Variants in CPS1 observed in about 807,000 individuals in gnomAD.
CPS1 encodes the protein carbamoyl-phosphate synthase [ammonia], mitochondrial.
In CPS1, 109 loss-of-function variants were observed where a neutral mutation model predicts 174.6. That is an observed-to-expected ratio of 0.62 (90% confidence interval 0.53 to 0.73). CPS1 has a LOEUF of 0.73. Ranked by LOEUF, CPS1 falls within the 30% of genes least tolerant of loss-of-function variation. The probability of loss-of-function intolerance (pLI) is 0.00; values close to 1 mark genes in which losing one functional copy is unlikely to be tolerated. For missense variants in CPS1, 1,689 were observed against 1,821.9 expected, an observed-to-expected ratio of 0.93 and a Z score of 1.33; for synonymous variants, 637 against 632.0, an observed-to-expected ratio of 1.01 and a Z score of -0.12.
chr2:210,612,266 C>A lies in CPS1; in HGVS notation c.2541C>A (p.Ser847Arg), dbSNP rs770328140. The A allele has an allele frequency of 6.2e-7, 1 of 1,611,986 alleles. No homozygotes were observed. Among genetic ancestry groups the A allele is most frequent in the South Asian group, 1.1e-5 (1 of 91,052 alleles). Reference sequence around the variant, plus strand: ...TTAGAAAAGAGTTGTCTGAACCAAGCAGCACGCGTATCTATGCCATTGCCA... The same window carrying A: ...TTAGAAAAGAGTTGTCTGAACCAAGAAGCACGCGTATCTATGCCATTGCCA... Reference protein sequence around the residue: ...LDLRKELSEPSSTRIYAIAKA... With the variant: ...LDLRKELSEPRSTRIYAIAKA... Residue 847 changes from serine to arginine, a missense_variant, in exon 20 of 38, where the codon AGC becomes AGA. Transcript: ENST00000233072.
At chr2:210,514,142 C>A (rs1695607836) in intron 1 of CPS1, among the ~76,000 whole-genome samples, 1 of 151,850 alleles carries the variant, frequency 6.6e-6, no homozygotes, top group Non-Finnish European at 1.5e-5. Flanking sequence ...GTTCTTTTTG[C>A]TTAGTATTCC....
At position 210,658,702 on chromosome 2, in the gene CPS1, A is replaced by G. The variant is rs771430083; in HGVS notation, c.3756+14A>G. On this transcript the variant is annotated intron_variant, in intron 31 of 37. Transcript: ENST00000233072. Reference sequence around the variant, plus strand: ...AATGATGTCTTGGTAAGAAATGCCAAGGTGCCTGAGAGGACACCACCACTG... The same window carrying G: ...AATGATGTCTTGGTAAGAAATGCCAGGGTGCCTGAGAGGACACCACCACTG... 1.2e-5 allele frequency: 19 copies of G among 1,591,058 alleles called. No homozygotes were observed. In the East Asian group the frequency reaches 3.8e-4, roughly 32 times the overall value.
At chr2:210,642,815 TA>T (rs1700271894) in intron 25 of CPS1, 150 bp downstream of exon 25, 2 of 741,720 alleles carry the variant, frequency 2.7e-6, no homozygotes, top group Admixed American at 2.8e-5. Context: ...TATTTTGTAG[TA>T]AAACTCTAAA....
At chr2:210,491,961 A>T (rs1694886699) in intron 1 of CPS1, among the ~76,000 whole-genome samples, 1 of 152,150 alleles carries the variant, frequency 6.6e-6, no homozygotes, top group Non-Finnish European at 1.5e-5. Flanking sequence ...GAGAGTGCTT[A>T]TGAGCCACTG....
At chr2:210,486,115 TACACACACACACACACACACACAC>T (rs60740361) in intron 1 of CPS1, among the ~76,000 whole-genome samples, 9 of 135,660 alleles carry the variant, frequency 6.6e-5, no homozygotes, top group Admixed American at 1.5e-4. Context: ...CACACACACA[TACACACACACACACACACACACAC>T]ACACACACAC....
At chr2:210,602,690 T>C (rs1698769115) in intron 16 of CPS1, among the ~76,000 whole-genome samples, 2 of 151,964 alleles carry the variant, frequency 1.3e-5, no homozygotes, top group African/African-American at 4.8e-5. Context: ...TTTTAGTGGT[T>C]AAGGAAAAAT....
intron 21 of CPS1, among the ~76,000 whole-genome samples, chr2:210,620,692 C>T (rs1343797039): frequency 6.6e-6 from 1 of 151,970 alleles, no homozygotes; most frequent in African/African-American, 2.4e-5. Flanking sequence ...GTGCCACATA[C>T]TTTCAGACAA....
chr2:210,592,987 T>C (rs756373047), intron 11 of CPS1, 31 bp downstream of exon 11: 2 of 1,577,350 alleles, frequency 1.3e-6, no homozygotes, highest in Non-Finnish European at 1.7e-6. Context: ...CTATTATGTA[T>C]GCAAAAAAAA....
In CPS1 at chr2:210,600,583, C is replaced by T. The variant is rs763001072; in HGVS notation, c.1578C>T (p.Leu526=). The change falls in exon 15 of 38, where the codon CTC becomes CTT. Residue 526 remains leucine, a synonymous_variant. Coordinates refer to ENST00000233072, the MANE Select transcript of CPS1 (RefSeq NM_001875.5). ...TGGAACTATTCAAGAGAGGTGTGCT[C>T]AAGGAATATGGTGTGAAAGTCCTGG... ...CGVELFKRGV[L]KEYGVKVLGT... is the part of the protein sequence containing the mutation. The T allele has an allele frequency of 3.7e-6, 6 of 1,612,034 alleles. No homozygotes were observed. Among genetic ancestry groups the T allele is most frequent in the Non-Finnish European group, 5.1e-6 (6 of 1,178,798 alleles).
chr2:210,651,143 T>C (rs764173530), intron 28 of CPS1, among the ~76,000 whole-genome samples: 7 of 151,856 alleles, frequency 4.6e-5, no homozygotes, highest in Non-Finnish European at 5.9e-5. Context: ...CAAAAGCTTG[T>C]TGGGGCTTTT....
intron 34 of CPS1, chr2:210,673,798 T>C (rs922209074): frequency 6.6e-6 from 1 of 152,212 alleles, no homozygotes; most frequent in Non-Finnish European, 1.5e-5. Context: ...ATGTAAGAAC[T>C]GTTACTATTC....
At chr2:210,637,949 A>C (rs1700089672) in intron 22 of CPS1, 106 bp downstream of exon 22, 1 of 1,258,268 alleles carries the variant, frequency 7.9e-7, no homozygotes, top group Non-Finnish European at 1.2e-6. Context: ...GAGTGGAATT[A>C]AGAAGTGACA....
At chr2:210,633,635 T>G (rs1699940318) in intron 21 of CPS1, among the ~76,000 whole-genome samples, 1 of 152,220 alleles carries the variant, frequency 6.6e-6, no homozygotes, top group Admixed American at 6.5e-5. Context: ...AGGAATCTAA[T>G]TTTTTCTTAT....
chr2:210,506,564 C>A (rs1436608241), intron 1 of CPS1, among the ~76,000 whole-genome samples: 2 of 152,014 alleles, frequency 1.3e-5, no homozygotes, highest in Non-Finnish European at 2.9e-5. Flanking sequence ...AGGCTTCAGA[C>A]AATCAAACTA....
intron 14 of CPS1, among the ~76,000 whole-genome samples, chr2:210,600,050 G>C (rs1698657415): frequency 6.6e-6 from 1 of 151,442 alleles, no homozygotes; most frequent in African/African-American, 2.4e-5. Flanking sequence ...TTTGGAACTG[G>C]ATCATGAATA....
At chr2:210,593,703 C>T in intron 11 of CPS1, 1 of 959,520 alleles carries the variant, frequency 1.0e-6, no homozygotes, top group Non-Finnish European at 1.2e-6. Context: ...TAAGAGCTTT[C>T]TTTCTGCAAG....
At chr2:210,653,961 C>A in intron 28 of CPS1, 64 bp from the exon 29 acceptor site, 1 of 1,262,954 alleles carries the variant, frequency 7.9e-7, no homozygotes, top group Non-Finnish European at 1.2e-6. Context: ...AAGTACATGG[C>A]TTATTGACAC....
chr2:210,548,098 T>C lies in CPS1; in HGVS notation c.4-8621T>C, dbSNP rs537328695. Among the ~76,000 whole-genome samples the C allele has an allele frequency of 2.0e-5, 3 of 152,172 alleles. No homozygotes were observed. The South Asian group carries it at 6.2e-4, about 32-fold the overall frequency. On this transcript the variant is annotated intron_variant, in intron 1 of 38. Coordinates refer to the CPS1 transcript ENST00000430249. ...GCAGTTATTTTTAGCACAAATATTC[T>C]AATGTGAAAAGAATTTCTTTTTCTG...
chr2:210,677,766 A>T, intron 37 of CPS1, 121 bp from the exon 38 acceptor site: 1 of 828,396 alleles, frequency 1.2e-6, no homozygotes, highest in Non-Finnish European at 2.2e-6. Context: ...AAAAACTTTT[A>T]TGCCTTTTAT....
Sources: gnomAD v4.1 joint callset for allele counts (sites outside exome capture counted in the v4.1 genomes callset) on GRCh38, gnomAD v4.1.1 for gene constraint, MANE v1.5 for transcripts, NCBI Gene and HGNC (gene_info 2026-07-23, HGNC 2026-07-21) for gene names.